The following GOLGA6L10 variants were observed in gnomAD, a reference collection of about 807,000 sequenced individuals.
GOLGA6L10 encodes golgin subfamily A member 6-like protein 10.
A neutral mutation model predicts 56.9 loss-of-function variants in GOLGA6L10; 4 were observed. The ratio of observed to expected loss-of-function variants is 0.07; its 90% CI spans 0.03 to 0.16. GOLGA6L10 has a LOEUF of 0.16. GOLGA6L10 is among the 10% of genes least tolerant of loss of function. The pLI, the probability that GOLGA6L10 is intolerant of heterozygous loss-of-function variation, is 1.00. For missense variants in GOLGA6L10, 34 were observed against 558.3 expected (o/e 0.06, Z 9.46); for synonymous variants, 11 against 220.9 (o/e 0.05, Z 8.43).
chr15:82,346,801 C>T (rs1180755383), intron 3 of GOLGA6L10, 26 bp downstream of exon 3: 1 of 1,588,750 alleles, frequency 6.3e-7, no homozygotes, highest in African/African-American at 1.4e-5. Flanking sequence ...TGCAGGGTCA[C>T]TGCACCTCGG....
rs62012746 is a variant in GOLGA6L10, at chr15:82,342,499, A to G, written c.*277T>C. 424 of 782,416 alleles carry G rather than the reference A, an allele frequency of 5.4e-4. No homozygotes were observed. In the African/African-American group the frequency reaches 7.3e-3, roughly 14 times the overall value. The allele number at this position is 782,416 out of a possible 1,614,324, so 48.5% of individuals were successfully genotyped here. ...ATTATCAAATTAAAAAAATGCTAAA[A>G]GATGCCAGAGTGAACATGAGAGAAA... On this transcript the variant is annotated 3_prime_UTR_variant, in exon 9 of 9. Transcript: ENST00000610657.
At chr15:82,347,798 A>AG (rs1262877535) in intron 1 of GOLGA6L10, among the ~76,000 whole-genome samples, 169 bp from the exon 2 acceptor site, 17 of 135,446 alleles carry the variant, frequency 1.3e-4, no homozygotes, top group African/African-American at 5.9e-4. Flanking sequence ...TATCATGGAT[A>AG]GAAAAAAAAA....
At position 82,342,617 on chromosome 15, in the gene GOLGA6L10, T is replaced by C; in HGVS notation, c.*159A>G. On this transcript the variant is annotated 3_prime_UTR_variant, in exon 9 of 9. Coordinates refer to ENST00000610657, the MANE Select transcript of GOLGA6L10 (RefSeq NM_001164465.3). Reference sequence around the variant, plus strand: ...ACTATAAATTAGAAACACAAATAAATTTAAATTATAAATTAGAAACACAAA... The same window carrying C: ...ACTATAAATTAGAAACACAAATAAACTTAAATTATAAATTAGAAACACAAA... The C allele has an allele frequency of 7.2e-7, 1 of 1,384,164 alleles. No individual in the cohort carries two copies. The highest frequency in any genetic ancestry group is 9.5e-7 in the Non-Finnish European group (1 of 1,049,794). The allele number at this position is 1,384,164 out of a possible 1,614,324, so 85.7% of individuals were successfully genotyped here.
In GOLGA6L10 at chr15:82,344,969, C is replaced by T. The variant is rs1472473305; in HGVS notation, c.891G>A (p.Glu297=). The change falls in exon 6 of 9, where the codon GAG becomes GAA. Residue 297 remains glutamate, a synonymous_variant. Coordinates refer to ENST00000610657, the MANE Select transcript of GOLGA6L10 (RefSeq NM_001164465.3). ...EQEERLCEQE[E]RLREQEERLC... ...GCCTCTCCTCCTGTTCACGTAGCCT[C>T]TCCTCCTGTTCACACAGCCTCTCCT... The T allele has an allele frequency of 4.4e-6, 4 of 912,966 alleles. No individual in the cohort carries two copies. The highest frequency in any genetic ancestry group is 5.9e-6 in the Non-Finnish European group (4 of 677,364). 56.6% of individuals were successfully genotyped at this position (912,966 alleles called of 1,614,324 possible). A position where few individuals can be genotyped will look rare whatever the true frequency, so the allele number is the denominator to read the frequency against.
chr15:82,340,242 A>C lies in GOLGA6L10; in HGVS notation c.*2534T>G, dbSNP rs1227467157. Reference sequence around the variant, plus strand: ...CTTTGTTTTAAGCTACAGTATTCGTATTTTAAAATGTTTTAAATTATTTTA... The same window carrying C: ...CTTTGTTTTAAGCTACAGTATTCGTCTTTTAAAATGTTTTAAATTATTTTA... On this transcript the variant is annotated 3_prime_UTR_variant, in exon 9 of 9. Transcript: ENST00000610657. The C allele has an allele frequency of 6.6e-6, 1 of 151,562 alleles. No homozygotes were observed. The highest frequency in any genetic ancestry group is 1.5e-5 in the Non-Finnish European group (1 of 67,792). The allele number at this position is 151,562 out of a possible 1,614,324, so 9.4% of individuals were successfully genotyped here. A position where few individuals can be genotyped will look rare whatever the true frequency, so the allele number is the denominator to read the frequency against.
At chr15:82,348,021 C>T (rs1384290011) in intron 1 of GOLGA6L10, among the ~76,000 whole-genome samples, 11 of 152,118 alleles carry the variant, frequency 7.2e-5, no homozygotes, top group African/African-American at 2.7e-4. Context: ...ACCAGTACCT[C>T]TCACACTTTC....
At chr15:82,344,082 C>T (rs1337273005) in intron 7 of GOLGA6L10, among the ~76,000 whole-genome samples, 179 bp downstream of exon 7, 1 of 150,138 alleles carries the variant, frequency 6.7e-6, no homozygotes, top group African/African-American at 2.5e-5. Flanking sequence ...GGCTACCCAC[C>T]TCTAAAAGTC....
At chr15:82,343,672 T>G (rs1256846396) in intron 7 of GOLGA6L10, among the ~76,000 whole-genome samples, 1 of 152,020 alleles carries the variant, frequency 6.6e-6, no homozygotes, top group African/African-American at 2.4e-5. Context: ...TTTTTCTGTT[T>G]TGTTTTGTTT....
rs779186577 is a variant in GOLGA6L10, at chr15:82,344,702, C to T, written c.1158G>A (p.Glu386=). 6.3e-7 allele frequency: 1 copy of T among 1,581,674 alleles called. No homozygotes were observed. Among genetic ancestry groups the T allele is most frequent in the East Asian group, 2.3e-5 (1 of 44,284 alleles). The part of the protein sequence containing the change: ...ERLWQQETLR[E]LERLRELERL... Reference sequence around the variant, plus strand: ...TCTCCAGCTCCCGCAGCCTCTCCAGCTCCCGCAGAGTCTCCTGCTGCCACA... The same window carrying T: ...TCTCCAGCTCCCGCAGCCTCTCCAGTTCCCGCAGAGTCTCCTGCTGCCACA... The change falls in exon 6 of 9, where the codon GAG becomes GAA. Residue 386 remains glutamate, a synonymous_variant. Transcript: ENST00000610657.
In GOLGA6L10 at chr15:82,342,578, A is replaced by G; in HGVS notation, c.*198T>C. 1 of 1,189,428 alleles carries G rather than the reference A, an allele frequency of 8.4e-7. No homozygotes were observed. The highest frequency in any genetic ancestry group is 1.1e-6 in the Non-Finnish European group (1 of 896,554). The allele number at this position is 1,189,428 out of a possible 1,614,324, so 73.7% of individuals were successfully genotyped here. A position where few individuals can be genotyped will look rare whatever the true frequency, so the allele number is the denominator to read the frequency against. The stretch of plus-strand genomic sequence containing the variant: ...TAAATTTAAATTATAAATTAGAAAC[A>G]CAAATAAATTTAAACTATAAATTAG... On this transcript the variant is annotated 3_prime_UTR_variant, in exon 9 of 9. Transcript: ENST00000610657.
rs1322879940 is a variant in GOLGA6L10, at chr15:82,348,043, T to C, written c.85-414A>G. Among the ~76,000 whole-genome samples, 12 of 152,040 alleles carry C rather than the reference T, an allele frequency of 7.9e-5. No individual in the cohort carries two copies. In the East Asian group the frequency reaches 1.7e-3, roughly 22 times the overall value. On this transcript the variant is annotated intron_variant, in intron 1 of 8. Coordinates refer to ENST00000610657, the MANE Select transcript of GOLGA6L10 (RefSeq NM_001164465.3). ...CCTCTCACACTTTCATATCAATGTGTCCTCATGGCAGAAGGCAGCTTTTCT... is the reference window on the plus strand; with the variant it reads ...CCTCTCACACTTTCATATCAATGTGCCCTCATGGCAGAAGGCAGCTTTTCT...
rs1448052973 is a variant in GOLGA6L10 at position 82,344,600 on chromosome 15, GC to G, written c.1259del (p.Gly420AlafsTer5). On this transcript the variant is annotated frameshift_variant, in exon 6 of 9. Transcript: ENST00000610657. LOFTEE classifies it high-confidence loss of function. ...LYEQRAEPRSGFEELNNENKS... is the reference protein window; with the variant it reads ...LYEQRAEPRSXFEELNNENKS... ...TGGGGCAACGTACCAGCTCCTCGAA[GC>G]CGCTGCGTGGCTCGGCCCGCTGCTC... 6.6e-7 allele frequency: 1 copy of G among 1,522,544 alleles called. No individual in the cohort carries two copies. Among genetic ancestry groups the G allele is most frequent in the African/African-American group, 1.6e-5 (1 of 62,464 alleles). 94.3% of individuals were successfully genotyped at this position (1,522,544 alleles called of 1,614,324 possible).
chr15:82,347,929 G>A (rs1240893259), intron 1 of GOLGA6L10, among the ~76,000 whole-genome samples: 139 of 149,894 alleles, frequency 9.3e-4, no homozygotes, highest in African/African-American at 3.3e-3. Context: ...AGGTAGAAAA[G>A]CACACATTAA....
In GOLGA6L10 at chr15:82,342,261, C is replaced by T. The variant is rs1199184232; in HGVS notation, c.*515G>A. ...AACCACATATTGAGCTAATGAAGAGCTCACTGTGATTAGGATTCGATCAAA... is the reference window on the plus strand; with the variant it reads ...AACCACATATTGAGCTAATGAAGAGTTCACTGTGATTAGGATTCGATCAAA... On this transcript the variant is annotated 3_prime_UTR_variant, in exon 9 of 9. Transcript: ENST00000610657. 27 of 202,644 alleles carry T rather than the reference C, an allele frequency of 1.3e-4. No individual in the cohort carries two copies. Among genetic ancestry groups the T allele is most frequent in the African/African-American group, 6.2e-4 (26 of 41,720 alleles). 12.6% of individuals were successfully genotyped at this position (202,644 alleles called of 1,614,324 possible). A position where few individuals can be genotyped will look rare whatever the true frequency, so the allele number is the denominator to read the frequency against.
chr15:82,342,556 A>T lies in GOLGA6L10; in HGVS notation c.*220T>A, dbSNP rs2075646384. 1 of 1,092,636 alleles carries T rather than the reference A, an allele frequency of 9.2e-7. No homozygotes were observed. The highest frequency in any genetic ancestry group is 1.7e-5 in the African/African-American group (1 of 58,434). The allele number at this position is 1,092,636 out of a possible 1,614,324, so 67.7% of individuals were successfully genotyped here. The stretch of plus-strand genomic sequence containing the variant: ...CTCTCATTTAACTTTTTACAAATAA[A>T]TTTAAATTATAAATTAGAAACACAA... On this transcript the variant is annotated 3_prime_UTR_variant, in exon 9 of 9. Transcript: ENST00000610657.
intron 1 of GOLGA6L10, 146 bp from the exon 2 acceptor site, chr15:82,347,775 T>G (rs2075696150): frequency 1.3e-6 from 2 of 1,575,696 alleles, no homozygotes; most frequent in Non-Finnish European, 8.6e-7. Context: ...AATCAGTGAC[T>G]GAGAGGGATT....
intron 6 of GOLGA6L10, 46 bp downstream of exon 6, chr15:82,344,542 T>G (rs1334957298): frequency 3.4e-6 from 5 of 1,474,256 alleles, no homozygotes; most frequent in Non-Finnish European, 3.6e-6. Flanking sequence ...AACAAAGGCC[T>G]TGAGGGCTAG....
At chr15:82,347,915 G>A (rs1210506879) in intron 1 of GOLGA6L10, among the ~76,000 whole-genome samples, 2 of 152,276 alleles carry the variant, frequency 1.3e-5, no homozygotes, top group Non-Finnish European at 1.5e-5. Context: ...AAAACCAGGG[G>A]CAGAGGTAGA....
chr15:82,347,812 A>T (rs1324301715), intron 1 of GOLGA6L10, among the ~76,000 whole-genome samples, 183 bp from the exon 2 acceptor site: 1 of 152,094 alleles, frequency 6.6e-6, no homozygotes, highest in South Asian at 2.1e-4. Flanking sequence ...AAAAAAAAAA[A>T]GAAAGATCAA....
Sources: gnomAD v4.1 joint callset for allele counts (sites outside exome capture counted in the v4.1 genomes callset) on GRCh38, gnomAD v4.1.1 for gene constraint, MANE v1.5 for transcripts, NCBI Gene and HGNC (gene_info 2026-07-23, HGNC 2026-07-21) for gene names.